The following ADAMTS17 variants were observed in gnomAD, a reference collection of about 807,000 sequenced individuals.
The protein encoded by ADAMTS17 is ADAM metallopeptidase with thrombospondin type 1 motif 17.
A neutral mutation model predicts 141.5 loss-of-function variants in ADAMTS17; 113 were observed. That is an observed-to-expected ratio of 0.80 (90% CI 0.69 to 0.93). ADAMTS17 has a LOEUF of 0.93. Ranked by LOEUF, ADAMTS17 falls within the 40% of genes least tolerant of loss-of-function variation. The probability of loss-of-function intolerance (pLI) is 0.00; values close to 1 mark genes in which losing one functional copy is unlikely to be tolerated. For missense variants in ADAMTS17, 1,659 were observed against 1,517.9 expected (o/e 1.09, Z -1.54); for synonymous variants, 768 against 630.6 (o/e 1.22, Z -3.27).
chr15:100,068,301 T>A (rs1453649505), intron 15 of ADAMTS17, among the ~76,000 whole-genome samples: 2 of 151,712 alleles, frequency 1.3e-5, no homozygotes, highest in Non-Finnish European at 2.9e-5. Flanking sequence ...AGGCCTGCCT[T>A]CCTCTGTAGA....
intron 18 of ADAMTS17, among the ~76,000 whole-genome samples, chr15:100,002,484 A>T (rs1368608664): frequency 1.3e-5 from 2 of 152,002 alleles, no homozygotes; most frequent in East Asian, 3.9e-4. Flanking sequence ...CAGAGGCCAC[A>T]TCCAGGACAC....
At chr15:100,250,417 T>C (rs1353806422) in intron 7 of ADAMTS17, among the ~76,000 whole-genome samples, 2 of 152,192 alleles carry the variant, frequency 1.3e-5, no homozygotes, top group South Asian at 4.1e-4. Flanking sequence ...TTGGCAAGCA[T>C]GCATCTACAT....
intron 13 of ADAMTS17, among the ~76,000 whole-genome samples, chr15:100,111,417 G>A (rs575690875): frequency 4.3e-4 from 65 of 152,366 alleles, no homozygotes; most frequent in African/African-American, 1.3e-3. Context: ...GGTGGAAGGA[G>A]AACTCTGGAA....
intron 8 of ADAMTS17, among the ~76,000 whole-genome samples, chr15:100,173,509 C>A (rs1331784576): frequency 1.3e-5 from 2 of 152,210 alleles, no homozygotes; most frequent in African/African-American, 4.8e-5. Flanking sequence ...CACTTACCTC[C>A]TCTCCTGCCT....
intron 9 of ADAMTS17, among the ~76,000 whole-genome samples, chr15:100,154,426 G>A (rs544419013): frequency 1.3e-5 from 2 of 152,218 alleles, no homozygotes; most frequent in African/African-American, 2.4e-5. Flanking sequence ...TCCTGAATTC[G>A]TCGGGTACTT....
At chr15:99,985,750 A>T (rs969607774) in intron 20 of ADAMTS17, among the ~76,000 whole-genome samples, 6 of 152,218 alleles carry the variant, frequency 3.9e-5, no homozygotes, top group African/African-American at 1.4e-4. Flanking sequence ...CAGCTTGCTC[A>T]TCTGTAAAAT....
At chr15:100,258,617 C>T (rs1005007891) in intron 6 of ADAMTS17, among the ~76,000 whole-genome samples, 7 of 151,970 alleles carry the variant, frequency 4.6e-5, no homozygotes, top group African/African-American at 1.2e-4. Context: ...GACTTCTTCA[C>T]GATCCCGAGA....
intron 8 of ADAMTS17, among the ~76,000 whole-genome samples, chr15:100,158,387 T>C (rs546515994): frequency 2.0e-4 from 31 of 152,376 alleles, no homozygotes; most frequent in Non-Finnish European, 4.4e-4. Context: ...AAATTCTTTT[T>C]ACTTTCACTC....
chr15:100,003,601 C>T (rs1193335862), intron 18 of ADAMTS17, among the ~76,000 whole-genome samples: 1 of 152,102 alleles, frequency 6.6e-6, no homozygotes, highest in Non-Finnish European at 1.5e-5. Flanking sequence ...TTCACAGCAG[C>T]ATTATTCACA....
intron 18 of ADAMTS17, among the ~76,000 whole-genome samples, chr15:100,027,985 G>A (rs527973731): frequency 6.6e-6 from 1 of 152,242 alleles, no homozygotes; most frequent in South Asian, 2.1e-4. Context: ...TCCCCACTGG[G>A]GAGCCCTACC....
At chr15:100,295,604 TC>T (rs1335537396) in intron 3 of ADAMTS17, among the ~76,000 whole-genome samples, 2 of 152,136 alleles carry the variant, frequency 1.3e-5, no homozygotes, top group African/African-American at 4.8e-5. Flanking sequence ...CACAGCCCCC[TC>T]CTTCACGCTC....
intron 15 of ADAMTS17, among the ~76,000 whole-genome samples, chr15:100,077,497 A>G (rs1460321055): frequency 6.6e-6 from 1 of 151,306 alleles, no homozygotes; most frequent in Non-Finnish European, 1.5e-5. Flanking sequence ...ATAATCCTCC[A>G]TGTTAATAAG....
chr15:100,056,751 T>G (rs988948545), intron 15 of ADAMTS17, among the ~76,000 whole-genome samples: 1 of 152,010 alleles, frequency 6.6e-6, no homozygotes, highest in East Asian at 1.9e-4. Context: ...AAAGCATAAG[T>G]TGGGGGAACA....
chr15:100,274,207 G>C (rs555198462), intron 4 of ADAMTS17, among the ~76,000 whole-genome samples: 1 of 152,262 alleles, frequency 6.6e-6, no homozygotes, highest in South Asian at 2.1e-4. Context: ...TTGACTTATT[G>C]TGTTAAGTCT....
intron 15 of ADAMTS17, among the ~76,000 whole-genome samples, chr15:100,089,783 G>C (rs903613024): frequency 7.6e-5 from 11 of 144,398 alleles, no homozygotes; most frequent in Non-Finnish European, 1.2e-4. Flanking sequence ...ATTGAACAAT[G>C]AGAACACATG....
intron 13 of ADAMTS17, among the ~76,000 whole-genome samples, chr15:100,113,649 C>A (rs1026640325): frequency 6.6e-6 from 1 of 152,202 alleles, no homozygotes. Context: ...AGTGGGTGCA[C>A]GGGGTTGTGA....
intron 4 of ADAMTS17, among the ~76,000 whole-genome samples, chr15:100,268,525 T>C (rs1567459702): frequency 6.6e-6 from 1 of 152,216 alleles, no homozygotes; most frequent in Non-Finnish European, 1.5e-5. Context: ...GGTATTGATT[T>C]GCGTTGCTCT....
At chr15:99,977,364 A>G (rs565648934) in intron 20 of ADAMTS17, among the ~76,000 whole-genome samples, 1 of 7,412 alleles carries the variant, frequency 1.3e-4, no homozygotes, top group East Asian at 2.4e-3. Flanking sequence ...ATATATATAT[A>G]TATATATATA....
chr15:100,096,538 G>A (rs2035770788), intron 14 of ADAMTS17, 62 bp from the exon 15 acceptor site: 2 of 1,610,800 alleles, frequency 1.2e-6, no homozygotes, highest in South Asian at 1.1e-5. Flanking sequence ...TAAAGAGGCT[G>A]CCCTGCAAGG....
Sources: gnomAD v4.1 joint callset for allele counts (sites outside exome capture counted in the v4.1 genomes callset) on GRCh38, gnomAD v4.1.1 for gene constraint, MANE v1.5 for transcripts, NCBI Gene and HGNC (gene_info 2026-07-23, HGNC 2026-07-21) for gene names.